Variants in NUBP1 observed in about 807,000 individuals in gnomAD.
NUBP1 encodes the protein NUBP iron-sulfur cluster assembly factor 1, cytosolic.
NUBP1 carries 46 observed loss-of-function variants against 41.8 expected under a neutral mutation model. That is an observed-to-expected ratio of 1.10 (90% CI 0.87 to 1.41). The LOEUF (loss-of-function observed/expected upper bound fraction) is 1.41. Among genes scored for constraint, NUBP1 ranks in the 40% most tolerant of loss-of-function variants. NUBP1 has a pLI of 0.00. For synonymous variants in NUBP1, 189 were observed against 154.6 expected, an observed-to-expected ratio of 1.22 and a Z score of -1.65; for missense variants, 494 against 414.0, an observed-to-expected ratio of 1.19 and a Z score of -1.68.
At chr16:10,750,102 G>A (rs1013893033) in intron 3 of NUBP1, among the ~76,000 whole-genome samples, 1 of 152,190 alleles carries the variant, frequency 6.6e-6, no homozygotes, top group Non-Finnish European at 1.5e-5. Context: ...GGAGACTGAG[G>A]TAGGAGGATC....
At chr16:10,751,145 C>T (rs945662838) in intron 3 of NUBP1, among the ~76,000 whole-genome samples, 7 of 152,148 alleles carry the variant, frequency 4.6e-5, no homozygotes, top group Admixed American at 1.3e-4. Context: ...CATATCCTTA[C>T]ATCATTTCGC....
In NUBP1 at chr16:10,747,262, G is replaced by A; in HGVS notation, c.244G>A (p.Asp82Asn). Residue 82 changes from aspartate to asparagine, a missense_variant, in exon 3 of 11, where the codon GAT becomes AAT. Asp to Asn is a conservative substitution (Grantham distance 23). Coordinates refer to ENST00000283027, the MANE Select transcript of NUBP1 (RefSeq NM_002484.4). ...CCACCTTGCCCATGGCCTAGCAGAG[G>A]ATGAAAACACACAGGTGAGACCTCA... ...SAHLAHGLAE[D>N]ENTQIALLDI... The A allele has an allele frequency of 6.2e-7, 1 of 1,613,934 alleles. No individual in the cohort carries two copies. Among genetic ancestry groups the A allele is most frequent in the Non-Finnish European group, 8.5e-7 (1 of 1,180,032 alleles).
chr16:10,747,454 C>A lies in NUBP1; in HGVS notation c.258+178C>A, dbSNP rs575110509. Reference sequence around the variant, plus strand: ...TTTGAGATCAGCCTGGCCAACATGGCAAAACCTTGTCTCTACTAAAAATAC... The same window carrying A: ...TTTGAGATCAGCCTGGCCAACATGGAAAAACCTTGTCTCTACTAAAAATAC... On this transcript the variant is annotated intron_variant, in intron 3 of 10. Transcript: ENST00000283027. Among the ~76,000 whole-genome samples the A allele has an allele frequency of 3.9e-5, 6 of 152,336 alleles. No individual in the cohort carries two copies. In the South Asian group the frequency reaches 1.0e-3, roughly 26 times the overall value.
chr16:10,745,414 C>CA, intron 2 of NUBP1, among the ~76,000 whole-genome samples: 1 of 152,082 alleles, frequency 6.6e-6, no homozygotes, highest in Non-Finnish European at 1.5e-5. Context: ...GAGATCGTGC[C>CA]ACTGCACTCC....
chr16:10,753,955 G>C (rs1178329984), intron 4 of NUBP1, among the ~76,000 whole-genome samples: 1 of 152,182 alleles, frequency 6.6e-6, no homozygotes, highest in South Asian at 2.1e-4. Flanking sequence ...TTGCTTCCGA[G>C]GGAGTAGGGA....
At position 10,768,246 on chromosome 16, in the gene NUBP1, T is replaced by G. The variant is rs964209765; in HGVS notation, c.904+214T>G. On this transcript the variant is annotated intron_variant, in intron 10 of 10. Transcript: ENST00000283027. This position sits in a 1 kb window ranked among gnomAD's most constrained non-coding sequence, Gnocchi z 4.3. ...TTAAAAAACATGGTGAGGGTGAAAT[T>G]TATGGCTTAGGAAATACATCCCAAT... is the stretch of plus-strand genomic sequence containing the variant. 2 of 431,334 alleles carry G rather than the reference T, an allele frequency of 4.6e-6. No individual in the cohort carries two copies. Among genetic ancestry groups the G allele is most frequent in the East Asian group, 3.7e-5 (1 of 27,168 alleles). The allele number at this position is 431,334 out of a possible 1,614,324, so 26.7% of individuals were successfully genotyped here.
At position 10,756,711 on chromosome 16, in the gene NUBP1, G is replaced by C; in HGVS notation, c.382G>C (p.Val128Leu). 1 of 1,574,216 alleles carries C rather than the reference G, an allele frequency of 6.4e-7. No individual in the cohort carries two copies. The highest frequency in any genetic ancestry group is 1.2e-5 in the South Asian group (1 of 84,596). The change falls in exon 6 of 11, where the codon GTG becomes CTG. Residue 128 changes from valine (V) to leucine (L), a missense_variant. Transcript: ENST00000283027. ...SPVYVEDNLG[V>L]MSVGFLLSSP... ...GCAGTACGTGGAAGACAACCTGGGG[G>C]TGATGTCAGTGGGCTTCCTGCTCAG...
At position 10,767,208 on chromosome 16, in the gene NUBP1, G is replaced by C; in HGVS notation, c.821-741G>C. On this transcript the variant is annotated intron_variant, in intron 9 of 10. Transcript: ENST00000283027. The surrounding 1 kb of genome is among the most constrained non-coding windows in gnomAD (Gnocchi z 4.6). The stretch of plus-strand genomic sequence containing the variant: ...CAGGTCCACCCACGACTGGGGGCTG[G>C]CAGGGCAGACTGGAGGCGAGAACAC... The C allele has an allele frequency of 2.5e-6, 1 of 399,908 alleles. No individual in the cohort carries two copies. The allele number at this position is 399,908 out of a possible 1,614,324, so 24.8% of individuals were successfully genotyped here.
intron 4 of NUBP1, among the ~76,000 whole-genome samples, chr16:10,753,126 A>G (rs1271113871): frequency 6.6e-6 from 1 of 152,160 alleles, no homozygotes; most frequent in Non-Finnish European, 1.5e-5. Context: ...AGGAGCTCAT[A>G]CATGCTCAGT....
At chr16:10,760,918 A>G (rs1246601786) in intron 7 of NUBP1, 2 of 177,094 alleles carry the variant, frequency 1.1e-5, no homozygotes. Flanking sequence ...TGGGTAACCT[A>G]TAAGGGAAAG....
intron 5 of NUBP1, 54 bp from the exon 6 acceptor site, chr16:10,756,636 C>T: frequency 7.4e-7 from 1 of 1,350,408 alleles, no homozygotes; most frequent in South Asian, 1.5e-5. Flanking sequence ...GGGAGGGCCT[C>T]ACTGTGTGGT....
Position 10,744,062 on chromosome 16 carries a change from A to G in NUBP1, c.121A>G (p.Thr41Ala). 8 of 1,577,764 alleles carry G rather than the reference A, an allele frequency of 5.1e-6. No individual in the cohort carries two copies. The highest frequency in any genetic ancestry group is 6.0e-6 in the Non-Finnish European group (7 of 1,167,156). ...TTCTGGAGCGGGGGCCACTCCGGAC[A>G]CGGGTGAGAAAAGGGCAAGGCCTCA... is the stretch of plus-strand genomic sequence containing the variant. ...CASGAGATPD[T>A]AIEEIKEKMK... Residue 41 changes from threonine (T) to alanine (A), a missense_variant, in exon 2 of 11, where the codon ACG (threonine) becomes GCG (alanine). Coordinates refer to ENST00000283027, the MANE Select transcript of NUBP1 (RefSeq NM_002484.4).
Position 10,757,946 on chromosome 16 carries a change from G to T in NUBP1, c.525G>T (p.Gly175=). ...VDYLIVDTPP[G]TSDEHLSVVR... is the part of the protein sequence containing the mutation. ...ACCTCATTGTGGACACCCCACCTGG[G>T]ACGTCGGATGAACACCTCTCGGTCG... Residue 175 remains glycine, a synonymous_variant, in exon 7 of 11, where the codon GGG becomes GGT. Coordinates refer to ENST00000283027, the MANE Select transcript of NUBP1 (RefSeq NM_002484.4). This position sits in a 1 kb window ranked among gnomAD's most constrained non-coding sequence, Gnocchi z 4.1. The T allele has an allele frequency of 6.2e-7, 1 of 1,614,114 alleles. No individual in the cohort carries two copies. The highest frequency in any genetic ancestry group is 8.5e-7 in the Non-Finnish European group (1 of 1,180,022).
At chr16:10,761,721 A>G (rs2029926115) in intron 8 of NUBP1, 36 bp from the exon 9 acceptor site, 5 of 1,558,950 alleles carry the variant, frequency 3.2e-6, no homozygotes, top group Non-Finnish European at 4.4e-6. Context: ...TTCTGCAAAA[A>G]AATTATGTTT....
chr16:10,749,559 A>G lies in NUBP1; in HGVS notation c.258+2283A>G, dbSNP rs1017347629. Among the ~76,000 whole-genome samples, 3 of 152,164 alleles carry G rather than the reference A, an allele frequency of 2.0e-5. No homozygotes were observed. The highest frequency in any genetic ancestry group is 3.2e-3 in the Middle Eastern group (1 of 316). ...AAAAAAAAAGAAGTCAGCATTTAGG[A>G]AAGTGTGTTTTCCCCAGGCAGACCT... On this transcript the variant is annotated intron_variant, in intron 3 of 10. Coordinates refer to ENST00000283027, the MANE Select transcript of NUBP1 (RefSeq NM_002484.4). This position sits in a 1 kb window ranked among gnomAD's most constrained non-coding sequence, Gnocchi z 4.1.
Position 10,767,969 on chromosome 16 carries a change from C to T in NUBP1, c.841C>T (p.Gln281Ter). Reference protein sequence around the residue: ...PLIGKNCDKGQSFFIDAPDSP... With the variant: ...PLIGKNCDKG ...TTAAGGTAAGAATTGTGACAAAGGC[C>T]AGTCTTTTTTCATTGACGCCCCAGA... Residue 281 changes from glutamine to a stop codon, truncating the protein, a stop_gained, in exon 10 of 11, where the codon CAG (glutamine) becomes TAG (stop). Transcript: ENST00000283027. LOFTEE classifies it high-confidence loss of function. This position sits in a 1 kb window ranked among gnomAD's most constrained non-coding sequence, Gnocchi z 4.6. 1 of 1,614,140 alleles carries T rather than the reference C, an allele frequency of 6.2e-7. No individual in the cohort carries two copies. Among genetic ancestry groups the T allele is most frequent in the Non-Finnish European group, 8.5e-7 (1 of 1,180,022 alleles).
Position 10,756,720 on chromosome 16 carries a change from G to C in NUBP1, c.391G>C (p.Val131Leu), listed in dbSNP as rs1430831089. 5 of 1,576,894 alleles carry C rather than the reference G, an allele frequency of 3.2e-6. No homozygotes were observed. Among genetic ancestry groups the C allele is most frequent in the African/African-American group, 2.8e-5 (2 of 72,208 alleles). ...YVEDNLGVMS[V>L]GFLLSSPDDA... ...GGAAGACAACCTGGGGGTGATGTCAGTGGGCTTCCTGCTCAGCAGTCCTGA... is the reference window on the plus strand; with the variant it reads ...GGAAGACAACCTGGGGGTGATGTCACTGGGCTTCCTGCTCAGCAGTCCTGA... Residue 131 changes from valine to leucine, a missense_variant, in exon 6 of 11, where the codon GTG (valine) becomes CTG (leucine). By Grantham distance (32) the Val-to-Leu change is conservative. Coordinates refer to ENST00000283027, the MANE Select transcript of NUBP1 (RefSeq NM_002484.4).
chr16:10,767,897 C>G lies in NUBP1; in HGVS notation c.821-52C>G. The G allele has an allele frequency of 6.6e-7, 1 of 1,521,758 alleles. No homozygotes were observed. The highest frequency in any genetic ancestry group is 1.1e-5 in the South Asian group (1 of 89,166). The allele number at this position is 1,521,758 out of a possible 1,614,324, so 94.3% of individuals were successfully genotyped here. A position where few individuals can be genotyped will look rare whatever the true frequency, so the allele number is the denominator to read the frequency against. ...GGAAAGAGCCCCAAGATCTTGTGGC[C>G]ATTCTGTTTTCCTCTTGGACTGAAT... On this transcript the variant is annotated intron_variant, in intron 9 of 10. Transcript: ENST00000283027. This position sits in a 1 kb window ranked among gnomAD's most constrained non-coding sequence, Gnocchi z 4.6.
At chr16:10,755,599 T>A (rs755588365) in intron 4 of NUBP1, 122 bp from the exon 5 acceptor site, 137 of 1,032,260 alleles carry the variant, frequency 1.3e-4, no homozygotes, top group Non-Finnish European at 1.9e-4. Flanking sequence ...CGTGGTACCA[T>A]GTAAGACAAT....
Sources: allele counts gnomAD v4.1 joint callset (sites outside exome capture counted in the v4.1 genomes callset), GRCh38; gene constraint gnomAD v4.1.1; non-coding constraint Gnocchi (gnomAD v3.1); transcripts MANE v1.5; gene names NCBI Gene and HGNC (gene_info 2026-07-23, HGNC 2026-07-21).